The following KIAA1549L variants were observed in gnomAD, a reference collection of about 807,000 sequenced individuals.
KIAA1549L encodes UPF0606 protein KIAA1549L.
KIAA1549L carries 88 observed loss-of-function variants against 160.7 expected under a neutral mutation model. That is an observed-to-expected ratio of 0.55 (90% CI 0.46 to 0.65). KIAA1549L has a LOEUF of 0.65. KIAA1549L is among the 30% of genes least tolerant of loss of function. The pLI, the probability that KIAA1549L is intolerant of heterozygous loss-of-function variation, is 0.00. For synonymous variants in KIAA1549L, 950 were observed against 976.7 expected (o/e 0.97, Z 0.51); for missense variants, 2,258 against 2,437.5 (o/e 0.93, Z 1.55).
Position 33,376,570 on chromosome 11 carries a change from C to G in KIAA1549L, c.-82C>G, listed in dbSNP as rs1358214143. 2 of 148,740 alleles carry G rather than the reference C, an allele frequency of 1.3e-5. No individual in the cohort carries two copies. Among genetic ancestry groups the G allele is most frequent in the African/African-American group, 4.9e-5 (2 of 40,884 alleles). 9.2% of individuals were successfully genotyped at this position (148,740 alleles called of 1,614,324 possible). The stretch of plus-strand genomic sequence containing the variant: ...CGCCCGGGCCGTGGCCGGCGATGCC[C>G]GGTGAGGACCGGGGCGCCGAGGGCT... On this transcript the variant is annotated 5_prime_UTR_variant, in exon 1 of 21. Transcript: ENST00000658780. This position sits in a 1 kb window ranked among gnomAD's most constrained non-coding sequence, Gnocchi z 5.8.
chr11:33,637,280 T>C (rs1851460521), intron 16 of KIAA1549L, among the ~76,000 whole-genome samples: 1 of 152,234 alleles, frequency 6.6e-6, no homozygotes, highest in Non-Finnish European at 1.5e-5. Context: ...ATGACCACCC[T>C]AATCCAGGCC....
At chr11:33,631,359 T>G (rs1354567510) in intron 16 of KIAA1549L, among the ~76,000 whole-genome samples, 2 of 152,052 alleles carry the variant, frequency 1.3e-5, no homozygotes, top group African/African-American at 4.8e-5. Context: ...CATCTCCGGG[T>G]TTTTGCATGC....
At chr11:33,429,161 G>C (rs7938850) in intron 1 of KIAA1549L, among the ~76,000 whole-genome samples, 26,849 of 152,064 alleles carry the variant, frequency 0.18, 2,737 homozygotes, top group South Asian at 0.25. Flanking sequence ...TGGTAGAGAT[G>C]GGGTTTCACC....
At chr11:33,551,306 G>T (rs1167175960) in intron 5 of KIAA1549L, 47 bp downstream of exon 5, 1 of 1,524,862 alleles carries the variant, frequency 6.6e-7, no homozygotes, top group Non-Finnish European at 9.0e-7. Context: ...TTGGGTTCAG[G>T]GCCAGTACCA....
intron 9 of KIAA1549L, among the ~76,000 whole-genome samples, chr11:33,570,257 C>T (rs896879060): frequency 3.9e-5 from 6 of 152,146 alleles, no homozygotes; most frequent in African/African-American, 1.2e-4. Context: ...CCACCTCAGC[C>T]TCCCAAAGTG....
intron 16 of KIAA1549L, among the ~76,000 whole-genome samples, chr11:33,633,139 C>CT (rs56310347): frequency 0.018 from 906 of 50,742 alleles, 107 homozygotes; most frequent in Admixed American, 0.042. Flanking sequence ...CCATGCCCAG[C>CT]TTTTTTTTTT....
At chr11:33,438,017 C>A (rs566877324) in intron 1 of KIAA1549L, among the ~76,000 whole-genome samples, 51 of 152,332 alleles carry the variant, frequency 3.3e-4, no homozygotes, top group African/African-American at 1.2e-3. Context: ...ACCACTCTCC[C>A]CTGAGCCATT....
intron 1 of KIAA1549L, among the ~76,000 whole-genome samples, chr11:33,458,887 A>G (rs970551719): frequency 1.3e-5 from 2 of 152,160 alleles, no homozygotes; most frequent in African/African-American, 4.8e-5. Context: ...AAAGCATAGA[A>G]TGAACAGTGT....
At chr11:33,545,553 T>A (rs536613123) in intron 3 of KIAA1549L, among the ~76,000 whole-genome samples, 175 bp downstream of exon 3, 37 of 152,336 alleles carry the variant, frequency 2.4e-4, no homozygotes, top group Non-Finnish European at 4.3e-4. Flanking sequence ...CTGGAGATAC[T>A]ACTAAAATCT....
intron 1 of KIAA1549L, chr11:33,403,206 C>CAT (rs374431765): frequency 5.8e-5 from 6 of 104,308 alleles, no homozygotes; most frequent in Middle Eastern, 5.1e-3. Context: ...CACAGACACA[C>CAT]GCACCCACAC....
chr11:33,629,731 G>A (rs1374372300), intron 16 of KIAA1549L, among the ~76,000 whole-genome samples: 5 of 150,810 alleles, frequency 3.3e-5, no homozygotes, highest in Non-Finnish European at 7.4e-5. Flanking sequence ...CCTTTGGTTC[G>A]AATGTCCTCC....
At chr11:33,470,875 G>T (rs1485755520) in intron 1 of KIAA1549L, among the ~76,000 whole-genome samples, 3 of 152,220 alleles carry the variant, frequency 2.0e-5, no homozygotes, top group Admixed American at 2.0e-4. Flanking sequence ...TTTAATGCTA[G>T]TGTGCCACTT....
intron 15 of KIAA1549L, among the ~76,000 whole-genome samples, chr11:33,613,517 C>T (rs1850701284): frequency 6.6e-6 from 1 of 152,186 alleles, no homozygotes; most frequent in African/African-American, 2.4e-5. Context: ...AGCTTTTACT[C>T]ATGGTGGAAG....
At chr11:33,401,277 TA>T (rs1850494914) in intron 1 of KIAA1549L, among the ~76,000 whole-genome samples, 1 of 147,984 alleles carries the variant, frequency 6.8e-6, no homozygotes, top group Non-Finnish European at 1.5e-5. Context: ...ATACAATATA[TA>T]AAATATATTT....
intron 1 of KIAA1549L, among the ~76,000 whole-genome samples, chr11:33,492,095 G>A (rs760256677): frequency 2.0e-5 from 3 of 152,144 alleles, no homozygotes; most frequent in Non-Finnish European, 2.9e-5. Flanking sequence ...TGCCAGTTGC[G>A]ATGGCTCATG....
At chr11:33,442,656 A>G (rs191386999) in intron 1 of KIAA1549L, among the ~76,000 whole-genome samples, 562 of 152,210 alleles carry the variant, frequency 3.7e-3, no homozygotes, top group Non-Finnish European at 5.3e-3. Flanking sequence ...TACTGATTTT[A>G]TTTATTCTGC....
rs747255810 is a variant in KIAA1549L at position 33,583,517 on chromosome 11, G to A, written c.4566+16G>A. ...GAGAGCAAAGGTATATGGAAGTGGT[G>A]GGGAGAGGGGCAGGAGGACAGGCCT... is the stretch of plus-strand genomic sequence containing the variant. On this transcript the variant is annotated intron_variant, in intron 11 of 20. Coordinates refer to ENST00000658780, the MANE Select transcript of KIAA1549L (RefSeq NM_012194.3). The A allele has an allele frequency of 6.4e-7, 1 of 1,561,842 alleles. No homozygotes were observed. The highest frequency in any genetic ancestry group is 8.7e-7 in the Non-Finnish European group (1 of 1,152,870).
chr11:33,515,279 T>TTC (rs956167113), intron 1 of KIAA1549L, among the ~76,000 whole-genome samples: 2 of 152,144 alleles, frequency 1.3e-5, no homozygotes, highest in East Asian at 1.9e-4. Flanking sequence ...ACCTGTTCTG[T>TTC]TCTCTCTCTC....
chr11:33,618,744 GT>G, intron 16 of KIAA1549L, 82 bp downstream of exon 16: 1 of 1,242,130 alleles, frequency 8.1e-7, no homozygotes, highest in Non-Finnish European at 1.1e-6. Context: ...CTGTGTTTTG[GT>G]TTACCACATA....
Sources: allele counts gnomAD v4.1 joint callset (sites outside exome capture counted in the v4.1 genomes callset), GRCh38; gene constraint gnomAD v4.1.1; non-coding constraint Gnocchi (gnomAD v3.1); transcripts MANE v1.5; gene names NCBI Gene and HGNC (gene_info 2026-07-23, HGNC 2026-07-21).